The following HCN1 variants were observed in gnomAD, a reference collection of about 807,000 sequenced individuals.
HCN1 encodes the protein hyperpolarization activated cyclic nucleotide gated potassium channel 1, also known as potassium/sodium hyperpolarization-activated cyclic nucleotide-gated channel 1.
Under a neutral mutation model 78.9 loss-of-function variants are expected in HCN1, and 13 were observed. The ratio of observed to expected loss-of-function variants is 0.16; its 90% confidence interval spans 0.11 to 0.26. HCN1 has a LOEUF of 0.26. Ranked by LOEUF, HCN1 falls within the 10% of genes least tolerant of loss-of-function variation. The pLI is 1.00. For missense variants in HCN1, 810 were observed against 1,154.3 expected (o/e 0.70, Z 4.32); for synonymous variants, 552 against 455.5 (o/e 1.21, Z -2.70).
chr5:45,567,558 TACACACACACACACACACACACAC>T lies in HCN1; in HGVS notation c.849+77603_849+77626del, dbSNP rs36230541. ...GTGAAAAGGAGAGGGCATTTTAGGCTACACACACACACACACACACACACACACACACACACACACACACACAGA... is the reference window on the plus strand; with the variant it reads ...GTGAAAAGGAGAGGGCATTTTAGGCTACACACACACACACACACACACAGA... On this transcript the variant is annotated intron_variant, in intron 2 of 7. Transcript: ENST00000303230. Among the ~76,000 whole-genome samples, 4 of 132,926 alleles carry T rather than the reference TACACACACACACACACACACACAC, an allele frequency of 3.0e-5. No individual in the cohort carries two copies. The Admixed American group carries it at 3.1e-4, about 10-fold the overall frequency. The allele number at this position is 132,926 out of a possible 152,430, so 87.2% of individuals were successfully genotyped here.
chr5:45,647,732 A>G (rs1361043957), intron 1 of HCN1, among the ~76,000 whole-genome samples: 2 of 152,090 alleles, frequency 1.3e-5, no homozygotes, highest in East Asian at 3.9e-4. Context: ...TCTCCCACAT[A>G]TATTCCTCAC....
intron 2 of HCN1, among the ~76,000 whole-genome samples, chr5:45,557,314 C>T (rs1561200215): frequency 1.3e-5 from 2 of 152,098 alleles, no homozygotes; most frequent in African/African-American, 2.4e-5. Context: ...GAGCCATGTA[C>T]ATTTTTAGTG....
At chr5:45,354,944 C>A (rs1281400196) in intron 4 of HCN1, among the ~76,000 whole-genome samples, 2 of 151,982 alleles carry the variant, frequency 1.3e-5, no homozygotes, top group Non-Finnish European at 2.9e-5. Context: ...TATGCAAAGA[C>A]CTACTAATCT....
intron 2 of HCN1, among the ~76,000 whole-genome samples, chr5:45,627,879 G>T (rs755655733): frequency 6.6e-6 from 1 of 152,100 alleles, no homozygotes; most frequent in Non-Finnish European, 1.5e-5. Flanking sequence ...CATAAATGTG[G>T]CATTTATTGG....
chr5:45,428,235 A>G (rs1016505196), intron 3 of HCN1, among the ~76,000 whole-genome samples: 3 of 152,108 alleles, frequency 2.0e-5, no homozygotes, highest in Non-Finnish European at 2.9e-5. Flanking sequence ...TAGTCTCACT[A>G]TGAAACAATT....
chr5:45,559,144 C>T (rs1218730236), intron 2 of HCN1: 3 of 151,778 alleles, frequency 2.0e-5, no homozygotes, highest in African/African-American at 7.3e-5. Context: ...AAAAAGATTC[C>T]CTAACACGGC....
At chr5:45,571,294 AAATTGGGTATGTAGGGTTAAGT>A (rs1452867245) in intron 2 of HCN1, among the ~76,000 whole-genome samples, 4 of 152,116 alleles carry the variant, frequency 2.6e-5, no homozygotes, top group African/African-American at 9.7e-5. Context: ...TATTGGTGTA[AAATTGGGTATGTAGGGTTAAGT>A]TTCATGGTTT....
At chr5:45,283,059 A>G (rs931555134) in intron 6 of HCN1, among the ~76,000 whole-genome samples, 9 of 152,290 alleles carry the variant, frequency 5.9e-5, no homozygotes, top group African/African-American at 2.2e-4. Flanking sequence ...ACTTTCCCCA[A>G]ATGAATGTGA....
At chr5:45,446,683 GATCT>G (rs1179899895) in intron 3 of HCN1, among the ~76,000 whole-genome samples, 9 of 152,166 alleles carry the variant, frequency 5.9e-5, no homozygotes, top group Non-Finnish European at 8.8e-5. Context: ...ACTAACAGTG[GATCT>G]CTCAGCAGAA....
chr5:45,676,753 A>G lies in HCN1; in HGVS notation c.425+18916T>C, dbSNP rs1003147191. On this transcript the variant is annotated intron_variant, in intron 1 of 7. Transcript: ENST00000303230. ...ATTTACATGTTGAAAGATTTGTGGG[A>G]AATCTTAACCTTGAATGGAAATATA... Among the ~76,000 whole-genome samples the G allele has an allele frequency of 2.6e-5, 4 of 151,832 alleles. No individual in the cohort carries two copies. In the Admixed American group the frequency reaches 2.6e-4, roughly 10 times the overall value.
At chr5:45,585,969 G>A (rs1561210873) in intron 2 of HCN1, among the ~76,000 whole-genome samples, 1 of 152,214 alleles carries the variant, frequency 6.6e-6, no homozygotes, top group Non-Finnish European at 1.5e-5. Context: ...CTACTCGGGG[G>A]TCAGGGACCC....
chr5:45,262,006 G>A lies in HCN1; in HGVS notation c.2588C>T (p.Pro863Leu). 6.2e-7 allele frequency: 1 copy of A among 1,614,138 alleles called. No individual in the cohort carries two copies. Among genetic ancestry groups the A allele is most frequent in the Non-Finnish European group, 8.5e-7 (1 of 1,180,040 alleles). Residue 863 changes from proline to leucine, a missense_variant, in exon 8 of 8, where the codon CCA becomes CTA. Transcript: ENST00000303230. ...AGATTCTCTTGGAAGAGCAGCTGCT[G>A]GTGGAGGGGGTGCTGGAGGGACTCC... ...NRGVPPAPPPPAAALPRESSS... is the reference protein window; with the variant it reads ...NRGVPPAPPPLAAALPRESSS...
intron 2 of HCN1, among the ~76,000 whole-genome samples, chr5:45,579,415 C>G (rs539114594): frequency 6.6e-6 from 1 of 152,148 alleles, no homozygotes. Context: ...TGCCTTGTCT[C>G]TTGAGACACA....
intron 6 of HCN1, among the ~76,000 whole-genome samples, chr5:45,301,208 T>A (rs1745610910): frequency 6.6e-6 from 1 of 151,492 alleles, no homozygotes; most frequent in South Asian, 2.1e-4. Flanking sequence ...GCAGAAAGGA[T>A]GAAATCCTTC....
intron 2 of HCN1, among the ~76,000 whole-genome samples, chr5:45,587,288 T>G (rs1744250934): frequency 1.3e-5 from 2 of 152,158 alleles, no homozygotes; most frequent in African/African-American, 4.8e-5. Context: ...AGCAAAGACT[T>G]GGAACCAACC....
intron 2 of HCN1, among the ~76,000 whole-genome samples, chr5:45,581,079 T>A (rs1744059858): frequency 6.6e-6 from 1 of 152,188 alleles, no homozygotes. Context: ...GGTCAAATGG[T>A]ATTTCTAGTT....
chr5:45,691,882 T>C (rs974210847), intron 1 of HCN1, among the ~76,000 whole-genome samples: 1 of 152,172 alleles, frequency 6.6e-6, no homozygotes, highest in African/African-American at 2.4e-5. Flanking sequence ...TGTGACGGTA[T>C]CTTCAGGAAG....
At chr5:45,586,973 A>C (rs540872417) in intron 2 of HCN1, among the ~76,000 whole-genome samples, 1 of 152,180 alleles carries the variant, frequency 6.6e-6, no homozygotes, top group Non-Finnish European at 1.5e-5. Context: ...TAATCATTCC[A>C]TTATATCTTT....
chr5:45,295,707 TTA>T (rs1333914990), intron 6 of HCN1, among the ~76,000 whole-genome samples: 1 of 151,994 alleles, frequency 6.6e-6, no homozygotes, highest in Non-Finnish European at 1.5e-5. Flanking sequence ...GGTGAACTGA[TTA>T]TGTTTATTTA....
Sources: allele counts gnomAD v4.1 joint callset (sites outside exome capture counted in the v4.1 genomes callset), GRCh38; gene constraint gnomAD v4.1.1; transcripts MANE v1.5; gene names NCBI Gene and HGNC (gene_info 2026-07-23, HGNC 2026-07-21).